RABEPK: variants seen among roughly 807,000 people sequenced by gnomAD.
RABEPK encodes 40 kDa Rab9 effector protein.
A neutral mutation model predicts 34.1 loss-of-function variants in RABEPK; 27 were observed. The observed-to-expected ratio is 0.79, with a 90% CI of 0.58 to 1.09. RABEPK has a LOEUF of 1.09. Ranked by LOEUF, RABEPK falls within the 50% of genes least tolerant of loss-of-function variation. The probability of loss-of-function intolerance (pLI) is 0.00; values close to 1 mark genes in which losing one functional copy is unlikely to be tolerated. For synonymous variants in RABEPK, 172 were observed against 169.2 expected, an observed-to-expected ratio of 1.02 and a Z score of -0.13; for missense variants, 449 against 462.6, an observed-to-expected ratio of 0.97 and a Z score of 0.27.
Position 125,223,592 on chromosome 9 carries a change from A to G in RABEPK, c.526+2892A>G, listed in dbSNP as rs980563841. 5.3e-5 allele frequency among the ~76,000 whole-genome samples: 8 copies of G among 152,260 alleles called. No homozygotes were observed. In the East Asian group the frequency reaches 9.6e-4, roughly 18 times the overall value. ...CAATACTGTAATGAACAAGCCAGGT[A>G]TGCTGACTCATGCCTATAATCCCAT... is the stretch of plus-strand genomic sequence containing the variant. On this transcript the variant is annotated intron_variant, in intron 5 of 7. Transcript: ENST00000373538.
At chr9:125,213,287 T>C in intron 3 of RABEPK, 83 bp from the exon 4 acceptor site, 1 of 1,387,778 alleles carries the variant, frequency 7.2e-7, no homozygotes, top group Non-Finnish European at 9.9e-7. Context: ...TTTATGGCCC[T>C]CTTCTCATGA....
intron 5 of RABEPK, among the ~76,000 whole-genome samples, chr9:125,227,416 A>G (rs1465912733): frequency 6.6e-6 from 1 of 151,446 alleles, no homozygotes; most frequent in African/African-American, 2.4e-5. Flanking sequence ...GAGCCTCTGT[A>G]GGACTTTTTT....
At chr9:125,210,974 G>A (rs959954175) in intron 3 of RABEPK, among the ~76,000 whole-genome samples, 5 of 148,000 alleles carry the variant, frequency 3.4e-5, no homozygotes, top group African/African-American at 5.0e-5. Context: ...GGCTCACCAT[G>A]CTGTAATCCC....
At chr9:125,209,505 A>AC (rs1830456251) in intron 3 of RABEPK, among the ~76,000 whole-genome samples, 1 of 151,764 alleles carries the variant, frequency 6.6e-6, no homozygotes, top group Non-Finnish European at 1.5e-5. Context: ...GCGTGCCACC[A>AC]GCCTGGCTAA....
chr9:125,206,556 A>G (rs1830240132), intron 2 of RABEPK, among the ~76,000 whole-genome samples: 3 of 152,048 alleles, frequency 2.0e-5, no homozygotes, highest in South Asian at 2.1e-4. Flanking sequence ...GTGATTTTTC[A>G]GAGTGCTAGC....
Position 125,232,621 on chromosome 9 carries a change from T to G in RABEPK, c.702T>G (p.Asn234Lys). Reference sequence around the variant, plus strand: ...GTGACATGAAATGGCAGAAGCTAAATCCCACTGGGGCTGCTCCAGCAGGCT... The same window carrying G: ...GTGACATGAAATGGCAGAAGCTAAAGCCCACTGGGGCTGCTCCAGCAGGCT... ...DISDMKWQKL[N>K]PTGAAPAGCA... is the part of the protein sequence containing the mutation. The change falls in exon 7 of 8, where the codon AAT becomes AAG. Residue 234 changes from asparagine to lysine, a missense_variant. Transcript: ENST00000373538. The G allele has an allele frequency of 6.2e-7, 1 of 1,613,410 alleles. No homozygotes were observed. Among genetic ancestry groups the G allele is most frequent in the East Asian group, 2.2e-5 (1 of 44,868 alleles).
At position 125,200,969 on chromosome 9, in the gene RABEPK, C is replaced by T. The variant is rs1373735408; in HGVS notation, c.-7+63C>T. On this transcript the variant is annotated intron_variant, in intron 1 of 7. Transcript: ENST00000373538. ...TCTTCATTCACTAGCCACTCCCCCA[C>T]TTCTACTCCATGCCAGGTCCATTGG... is the stretch of plus-strand genomic sequence containing the variant. 20 of 405,636 alleles carry T rather than the reference C, an allele frequency of 4.9e-5. No homozygotes were observed. In the Admixed American group the frequency reaches 5.1e-4, roughly 10 times the overall value. 25.1% of individuals were successfully genotyped at this position (405,636 alleles called of 1,614,324 possible). A position where few individuals can be genotyped will look rare whatever the true frequency, so the allele number is the denominator to read the frequency against.
chr9:125,217,520 C>A (rs1369047619), intron 4 of RABEPK, among the ~76,000 whole-genome samples: 1 of 152,098 alleles, frequency 6.6e-6, no homozygotes, highest in Non-Finnish European at 1.5e-5. Flanking sequence ...CCAGCCTCAG[C>A]CTCTCGAGTA....
chr9:125,206,662 C>T (rs1264852849), intron 2 of RABEPK, among the ~76,000 whole-genome samples: 4 of 152,150 alleles, frequency 2.6e-5, no homozygotes, highest in African/African-American at 9.7e-5. Flanking sequence ...GAATCACTGG[C>T]TAGTGGCAAG....
In RABEPK at chr9:125,215,933, C is replaced by T. The variant is rs115959153; in HGVS notation, c.364+2411C>T. Among the ~76,000 whole-genome samples, 388 of 152,236 alleles carry T rather than the reference C, an allele frequency of 2.5e-3. 3 individuals are homozygous for T. The highest frequency in any genetic ancestry group is 9.2e-3 in the African/African-American group (384 of 41,534). On this transcript the variant is annotated intron_variant, in intron 4 of 7. Transcript: ENST00000373538. ...TAACAGTGTTTCTTTCATTACTGAC[C>T]AGCACTGAATTTATCAGTTTTAAAC... is the stretch of plus-strand genomic sequence containing the variant.
intron 5 of RABEPK, among the ~76,000 whole-genome samples, chr9:125,225,161 G>T (rs1441915107): frequency 2.6e-5 from 4 of 152,040 alleles, no homozygotes; most frequent in African/African-American, 4.8e-5. Context: ...GAGGTGGGTG[G>T]ATCACTTGAG....
intron 4 of RABEPK, chr9:125,220,256 C>T: frequency 5.4e-6 from 7 of 1,287,000 alleles, no homozygotes; most frequent in Non-Finnish European, 7.0e-6. Flanking sequence ...CCCGCCTTGG[C>T]CTCCCAAAGT....
intron 5 of RABEPK, among the ~76,000 whole-genome samples, chr9:125,224,732 T>C (rs534119878): frequency 6.6e-6 from 1 of 152,132 alleles, no homozygotes; most frequent in East Asian, 1.9e-4. Flanking sequence ...GGGATTACAG[T>C]CATAAGCCAC....
intron 3 of RABEPK, among the ~76,000 whole-genome samples, chr9:125,213,120 A>G (rs1260697912): frequency 1.3e-5 from 2 of 152,178 alleles, no homozygotes; most frequent in African/African-American, 4.8e-5. Flanking sequence ...TAGTACAAAC[A>G]TGTCATCTGG....
In RABEPK at chr9:125,207,664, A is replaced by C. The variant is rs757495384; in HGVS notation, c.154A>C (p.Ile52Leu). The change falls in exon 3 of 8, where the codon ATT (isoleucine) becomes CTT (leucine). Residue 52 changes from isoleucine to leucine, a missense_variant. Coordinates refer to ENST00000373538, the MANE Select transcript of RABEPK (RefSeq NM_005833.4). ...TAATGCCAAGAGAGGGAAGGTCTTC[A>C]TTGTTGGGGGAGCAAATCCAAACAG... ...VGNAKRGKVFIVGGANPNRSF... is the reference protein window; with the variant it reads ...VGNAKRGKVFLVGGANPNRSF... 6.2e-7 allele frequency: 1 copy of C among 1,614,170 alleles called. No individual in the cohort carries two copies. The highest frequency in any genetic ancestry group is 1.1e-5 in the South Asian group (1 of 91,088).
chr9:125,233,328 T>TG (rs1832343412), intron 7 of RABEPK, among the ~76,000 whole-genome samples: 1 of 145,608 alleles, frequency 6.9e-6, no homozygotes, highest in African/African-American at 2.6e-5. Context: ...ATCTGGAAAT[T>TG]GTTTTTTTTT....
intron 2 of RABEPK, 39 bp from the exon 3 acceptor site, chr9:125,207,525 C>T: frequency 6.3e-7 from 1 of 1,591,512 alleles, no homozygotes; most frequent in East Asian, 2.2e-5. Context: ...TGCATTTATT[C>T]TCTGCTCAGG....
intron 2 of RABEPK, among the ~76,000 whole-genome samples, chr9:125,205,457 G>C (rs756066224): frequency 6.6e-5 from 10 of 152,138 alleles, no homozygotes; most frequent in Non-Finnish European, 1.5e-4. Context: ...GTAGAACTCA[G>C]ATGATGGTAA....
At chr9:125,229,045 G>T (rs1831984230) in intron 6 of RABEPK, among the ~76,000 whole-genome samples, 1 of 151,776 alleles carries the variant, frequency 6.6e-6, no homozygotes, top group African/African-American at 2.4e-5. Flanking sequence ...TCTGAGGTCA[G>T]GAGTTCGAGA....
Sources: allele counts gnomAD v4.1 joint callset (sites outside exome capture counted in the v4.1 genomes callset), GRCh38; gene constraint gnomAD v4.1.1; transcripts MANE v1.5; gene names NCBI Gene and HGNC (gene_info 2026-07-23, HGNC 2026-07-21).